The following FRY variants were observed in gnomAD, a reference collection of about 807,000 sequenced individuals.
FRY encodes protein furry homolog.
FRY carries 128 observed loss-of-function variants against 348.4 expected under a neutral mutation model. The observed-to-expected ratio is 0.37, with a 90% CI of 0.32 to 0.43. The LOEUF (loss-of-function observed/expected upper bound fraction) is 0.43, where lower values mean the gene tolerates loss of function less well. Among genes scored for constraint, FRY ranks in the 20% least tolerant of loss-of-function variants. FRY has a pLI of 1.00. For missense variants in FRY, 2,736 were observed against 3,695.2 expected, an observed-to-expected ratio of 0.74 and a Z score of 6.73; for synonymous variants, 1,370 against 1,374.7, an observed-to-expected ratio of 1.00 and a Z score of 0.08.
At chr13:32,089,483 G>C (rs1259204279) in intron 2 of FRY, among the ~76,000 whole-genome samples, 1 of 151,998 alleles carries the variant, frequency 6.6e-6, no homozygotes, top group Non-Finnish European at 1.5e-5. Context: ...GGAATGTCTG[G>C]TGGGCACAGT....
intron 14 of FRY, among the ~76,000 whole-genome samples, chr13:32,152,982 C>A (rs1419307108): frequency 6.6e-6 from 1 of 152,034 alleles, no homozygotes; most frequent in African/African-American, 2.4e-5. Context: ...ACACAAATGG[C>A]TAATAATCTC....
chr13:32,107,745 G>C (rs73167129), intron 3 of FRY, among the ~76,000 whole-genome samples: 1 of 152,120 alleles, frequency 6.6e-6, no homozygotes, highest in Admixed American at 6.5e-5. Context: ...CCTCAGGAGA[G>C]CAAACTTCGC....
At chr13:32,160,326 C>G (rs1197404116) in intron 16 of FRY, among the ~76,000 whole-genome samples, 1 of 152,108 alleles carries the variant, frequency 6.6e-6, no homozygotes, top group Middle Eastern at 3.2e-3. Flanking sequence ...TTTAGATATG[C>G]TGTTATATAT....
intron 2 of FRY, among the ~76,000 whole-genome samples, chr13:32,095,640 G>A (rs963572577): frequency 1.3e-5 from 2 of 152,120 alleles, no homozygotes; most frequent in Admixed American, 6.5e-5. Flanking sequence ...ACCCTGCCTG[G>A]CCACTGTGTG....
intron 23 of FRY, among the ~76,000 whole-genome samples, chr13:32,181,507 T>C (rs928000385): frequency 2.2e-5 from 3 of 136,036 alleles, no homozygotes; most frequent in African/African-American, 5.6e-5. Flanking sequence ...GGCAGGAGAA[T>C]AGCTTGAACC....
In FRY at chr13:32,247,342, C is replaced by A. The variant is rs867927641; in HGVS notation, c.6848C>A (p.Ala2283Asp). The A allele has an allele frequency of 6.2e-7, 1 of 1,613,204 alleles. No individual in the cohort carries two copies. The highest frequency in any genetic ancestry group is 1.6e-4 in the Middle Eastern group (1 of 6,062). ...CTGCAGAGTGTTCACTGGAGAGAAG[C>A]TCTGAATATCTTGAAGCTGGTAGTT... ...KYVQSVHWRE[A>D]LNILKLVVSR... Residue 2283 changes from alanine (A) to aspartate (D), a missense_variant, in exon 48 of 61, where the codon GCT becomes GAT. By Grantham distance (126) the Ala-to-Asp change is moderately radical (BLOSUM62 -2). This residue lies in a region of FRY where 789 missense variants were observed against 996.2 expected (regional missense o/e 0.79). Transcript: ENST00000542859.
chr13:32,275,092 C>T (rs755065845), intron 56 of FRY, 101 bp downstream of exon 56: 1 of 1,118,580 alleles, frequency 8.9e-7, no homozygotes, highest in Non-Finnish European at 1.3e-6. Context: ...TTAAAGATAC[C>T]TTCTGGCCGG....
intron 11 of FRY, among the ~76,000 whole-genome samples, chr13:32,142,203 A>G (rs1386784907): frequency 1.3e-5 from 2 of 152,196 alleles, no homozygotes; most frequent in Non-Finnish European, 2.9e-5. Flanking sequence ...TGCAGCCTCC[A>G]CATACTATTA....
intron 55 of FRY, among the ~76,000 whole-genome samples, chr13:32,270,635 T>C (rs1888155660): frequency 6.6e-6 from 1 of 152,252 alleles, no homozygotes; most frequent in Non-Finnish European, 1.5e-5. Context: ...TCTCTCTGCC[T>C]AGAACGGTCA....
At chr13:32,182,635 ATTGT>A (rs1037893523) in intron 23 of FRY, among the ~76,000 whole-genome samples, 2 of 152,164 alleles carry the variant, frequency 1.3e-5, no homozygotes, top group Non-Finnish European at 2.9e-5. Flanking sequence ...CTTGGAAAAT[ATTGT>A]TTGTTTAATT....
chr13:32,251,797 T>C (rs1291907518), intron 49 of FRY, 81 bp from the exon 50 acceptor site: 7 of 842,438 alleles, frequency 8.3e-6, no homozygotes, highest in Non-Finnish European at 1.1e-5. Context: ...GCTATTGCCC[T>C]GTATGGCTAG....
intron 1 of FRY, among the ~76,000 whole-genome samples, chr13:32,065,911 C>T (rs573371627): frequency 5.9e-5 from 9 of 152,266 alleles, no homozygotes; most frequent in Non-Finnish European, 2.9e-5. Context: ...GCCCTTGTTT[C>T]TCTTTGTTAA....
At chr13:32,250,964 C>A (rs953225115) in intron 49 of FRY, among the ~76,000 whole-genome samples, 1 of 152,208 alleles carries the variant, frequency 6.6e-6, no homozygotes, top group African/African-American at 2.4e-5. Flanking sequence ...TCAAAGTCCT[C>A]CTGTCTCTGA....
chr13:32,103,948 G>A (rs897695944), intron 3 of FRY, among the ~76,000 whole-genome samples: 20 of 150,672 alleles, frequency 1.3e-4, no homozygotes, highest in Non-Finnish European at 2.5e-4. Flanking sequence ...GGGTAACAGT[G>A]AGACCGCATC....
chr13:32,291,697 G>A lies in FRY; in HGVS notation c.8580+1954G>A, dbSNP rs114137031. On this transcript the variant is annotated intron_variant, in intron 59 of 60. Transcript: ENST00000542859. ...AACTGTGAGCCACCGTGCCCCGCCA[G>A]GATTCACCATTCTTGATGCCATTAA... Among the ~76,000 whole-genome samples the A allele has an allele frequency of 8.1e-4, 124 of 152,152 alleles. 1 individual carries two copies. The highest frequency in any genetic ancestry group is 2.9e-3 in the African/African-American group (121 of 41,524).
At chr13:32,273,413 G>A (rs1246930840) in intron 55 of FRY, among the ~76,000 whole-genome samples, 3 of 151,816 alleles carry the variant, frequency 2.0e-5, no homozygotes. Context: ...TAGTAGAGAC[G>A]GGGTTTCACC....
intron 16 of FRY, among the ~76,000 whole-genome samples, chr13:32,160,712 A>G (rs547816618): frequency 3.3e-5 from 5 of 151,740 alleles, no homozygotes; most frequent in South Asian, 2.1e-4. Flanking sequence ...GGGGAGAAGC[A>G]TAACTCATCA....
chr13:32,238,010 G>A (rs1886304898), intron 44 of FRY, 24 bp downstream of exon 44: 2 of 1,610,700 alleles, frequency 1.2e-6, no homozygotes, highest in South Asian at 2.2e-5. Flanking sequence ...CGTTCACCCT[G>A]TCTCAATTCT....
intron 8 of FRY, among the ~76,000 whole-genome samples, chr13:32,134,368 C>T (rs1879570220): frequency 6.6e-6 from 1 of 152,198 alleles, no homozygotes; most frequent in South Asian, 2.1e-4. Flanking sequence ...ACGTTCCTGA[C>T]TTGCTTATGA....
Sources: allele counts gnomAD v4.1 joint callset (sites outside exome capture counted in the v4.1 genomes callset), GRCh38; gene constraint gnomAD v4.1.1; regional missense constraint gnomAD v4.1.1; transcripts MANE v1.5; gene names NCBI Gene and HGNC (gene_info 2026-07-23, HGNC 2026-07-21).